Variants in PRIM2 observed in about 807,000 individuals in gnomAD.
PRIM2 encodes DNA primase subunit 2, also known as DNA primase large subunit.
PRIM2 carries 39 observed loss-of-function variants against 67.3 expected under a neutral mutation model. That is an observed-to-expected ratio of 0.58 (90% confidence interval 0.45 to 0.76). The LOEUF (loss-of-function observed/expected upper bound fraction) is 0.76. PRIM2 is among the 30% of genes least tolerant of loss of function. PRIM2 has a pLI of 0.00. For synonymous variants in PRIM2, 143 were observed against 198.7 expected, an observed-to-expected ratio of 0.72 and a Z score of 2.36; for missense variants, 398 against 598.7, an observed-to-expected ratio of 0.66 and a Z score of 3.50.
At chr6:57,606,564 C>T (rs1461430889) in intron 12 of PRIM2, 107 bp downstream of exon 12, 5 of 692,362 alleles carry the variant, frequency 7.2e-6, no homozygotes, top group Admixed American at 2.4e-5. Flanking sequence ...TGTCAGGCCT[C>T]ACACCAGACA....
chr6:57,277,911 G>A, the PRIM2 span, among the ~76,000 whole-genome samples: 1 of 152,034 alleles, frequency 6.6e-6, no homozygotes, highest in African/African-American at 2.4e-5. Flanking sequence ...GTGAACCCGG[G>A]AGGTGGAGCT....
intron 10 of PRIM2, among the ~76,000 whole-genome samples, chr6:57,558,758 G>A (rs1775569123): frequency 6.6e-6 from 1 of 152,100 alleles, no homozygotes; most frequent in Non-Finnish European, 1.5e-5. Context: ...CAAGTTGGTT[G>A]AGGGTGCTGA....
intron 8 of PRIM2, among the ~76,000 whole-genome samples, chr6:57,519,331 C>A (rs2127463617): frequency 1.3e-5 from 2 of 152,270 alleles, no homozygotes; most frequent in Admixed American, 1.3e-4. Flanking sequence ...TCCTAATAAG[C>A]CTGGGAGCGC....
At chr6:57,423,404 A>G (rs1367431669) in intron 7 of PRIM2, among the ~76,000 whole-genome samples, 7 of 152,200 alleles carry the variant, frequency 4.6e-5, no homozygotes, top group Non-Finnish European at 7.3e-5. Context: ...TTAACATGAA[A>G]GAAATCTAGA....
chr6:57,405,922 C>A (rs1185272367), intron 7 of PRIM2, among the ~76,000 whole-genome samples: 1 of 152,256 alleles, frequency 6.6e-6, no homozygotes, highest in Non-Finnish European at 1.5e-5. Context: ...TCATCATCAT[C>A]ACCCAGCAAG....
At chr6:57,561,207 C>A (rs1253773017) in intron 10 of PRIM2, among the ~76,000 whole-genome samples, 3 of 152,176 alleles carry the variant, frequency 2.0e-5, no homozygotes, top group African/African-American at 7.2e-5. Context: ...ATCTCATAAA[C>A]CCACCTGTGC....
At position 57,559,641 on chromosome 6, in the gene PRIM2, G is replaced by T. The variant is rs1262006428; in HGVS notation, c.1020+22016G>T. ...GATGTAGGTATTTAACATCGCTAAGGTGGTACTGGCATACCTAGAAGATAT... is the reference window on the plus strand; with the variant it reads ...GATGTAGGTATTTAACATCGCTAAGTTGGTACTGGCATACCTAGAAGATAT... On this transcript the variant is annotated intron_variant, in intron 10 of 13. Transcript: ENST00000615550. Among the ~76,000 whole-genome samples the T allele has an allele frequency of 9.1e-4, 138 of 152,100 alleles. 7 individuals are homozygous for T. The highest frequency in any genetic ancestry group is 4.4e-5 in the Non-Finnish European group (3 of 68,032).
intron 7 of PRIM2, among the ~76,000 whole-genome samples, chr6:57,385,276 A>G (rs1342861413): frequency 6.6e-6 from 1 of 152,200 alleles, no homozygotes; most frequent in Non-Finnish European, 1.5e-5. Context: ...ATGAACTTTG[A>G]ATTCCATTCT....
the PRIM2 span, among the ~76,000 whole-genome samples, chr6:57,254,901 T>G: frequency 5.9e-5 from 9 of 152,336 alleles, no homozygotes; most frequent in African/African-American, 1.7e-4. Flanking sequence ...TTCAGATGAA[T>G]GCACACTAAC....
chr6:57,644,995 C>G (rs1368486953), intron 13 of PRIM2, among the ~76,000 whole-genome samples: 13 of 152,054 alleles, frequency 8.5e-5, no homozygotes, highest in Non-Finnish European at 1.9e-4. Flanking sequence ...TGTTTGTATT[C>G]AGTCACAGTG....
chr6:57,242,399 A>G, the PRIM2 span, among the ~76,000 whole-genome samples: 2 of 152,166 alleles, frequency 1.3e-5, no homozygotes, highest in Non-Finnish European at 2.9e-5. Context: ...TCTACTAACA[A>G]TGTTTTGTGA....
intron 7 of PRIM2, among the ~76,000 whole-genome samples, chr6:57,388,266 G>A (rs1770215799): frequency 6.6e-6 from 1 of 152,212 alleles, no homozygotes; most frequent in South Asian, 2.1e-4. Flanking sequence ...CTGCTTGAAA[G>A]CCATTTTGGA....
intron 7 of PRIM2, among the ~76,000 whole-genome samples, chr6:57,477,930 A>G (rs1364981956): frequency 2.6e-5 from 4 of 152,220 alleles, no homozygotes; most frequent in South Asian, 2.1e-4. Flanking sequence ...CGGATCATCT[A>G]TGTCAGTGAT....
chr6:57,475,261 A>G (rs1199207626), intron 7 of PRIM2, among the ~76,000 whole-genome samples: 6 of 152,326 alleles, frequency 3.9e-5, no homozygotes, highest in African/African-American at 1.4e-4. Context: ...ATATAATTCA[A>G]TGGTTTTTAA....
intron 12 of PRIM2, among the ~76,000 whole-genome samples, chr6:57,626,125 A>G (rs1776946204): frequency 6.6e-6 from 1 of 152,276 alleles, no homozygotes; most frequent in African/African-American, 2.4e-5. Context: ...TGAGTACAGC[A>G]TACCTAGCTG....
At chr6:57,410,346 A>AAAG (rs1554335405) in intron 7 of PRIM2, among the ~76,000 whole-genome samples, 3,532 of 147,544 alleles carry the variant, frequency 0.024, 52 homozygotes, top group African/African-American at 0.041. Flanking sequence ...AAAAAAAAAA[A>AAAG]AAAGAAAGAA....
rs1410348603 is a variant in PRIM2, at chr6:57,485,869, A to G, written c.694-21518A>G. On this transcript the variant is annotated intron_variant, in intron 7 of 13. Coordinates refer to ENST00000615550, the MANE Select transcript of PRIM2 (RefSeq NM_000947.5). ...AAACAAGCCCTGGCTTCCCCCTTAA[A>G]GGAGCTTACAGTCCAAGAGAGTGAG... Among the ~76,000 whole-genome samples, 22 of 152,330 alleles carry G rather than the reference A, an allele frequency of 1.4e-4. No individual in the cohort carries two copies. The South Asian group carries it at 2.9e-3, about 20-fold the overall frequency.
intron 4 of PRIM2, 98 bp downstream of exon 4, chr6:57,324,378 C>A: frequency 1.6e-6 from 1 of 641,858 alleles, no homozygotes; most frequent in Non-Finnish European, 2.7e-6. Flanking sequence ...TAGGAAAACC[C>A]AGAATAACAT....
At chr6:57,507,746 C>A (rs1300398394) in intron 8 of PRIM2, among the ~76,000 whole-genome samples, 1 of 151,910 alleles carries the variant, frequency 6.6e-6, no homozygotes, top group Non-Finnish European at 1.5e-5. Flanking sequence ...AATGAATGAG[C>A]TATTTACGTA....
Sources: gnomAD v4.1 joint callset for allele counts (sites outside exome capture counted in the v4.1 genomes callset) on GRCh38, gnomAD v4.1.1 for gene constraint, MANE v1.5 for transcripts, NCBI Gene and HGNC (gene_info 2026-07-23, HGNC 2026-07-21) for gene names.